CNBD1: variants seen among roughly 807,000 people sequenced by gnomAD.
CNBD1 encodes cyclic nucleotide-binding domain-containing protein 1.
Under a neutral mutation model 54.4 loss-of-function variants are expected in CNBD1, and 71 were observed. The ratio of observed to expected loss-of-function variants is 1.30; its 90% CI spans 1.08 to 1.59. The LOEUF (loss-of-function observed/expected upper bound fraction) is 1.59, where lower values mean the gene tolerates loss of function less well. CNBD1 is among the 40% of genes most tolerant of loss of function. The pLI, the probability that CNBD1 is intolerant of heterozygous loss-of-function variation, is 0.00. For synonymous variants in CNBD1, 182 were observed against 170.7 expected (o/e 1.07, Z -0.51); for missense variants, 659 against 518.0 (o/e 1.27, Z -2.64).
intron 5 of CNBD1, among the ~76,000 whole-genome samples, chr8:87,218,176 CAT>C (rs1814253659): frequency 6.6e-6 from 1 of 152,076 alleles, no homozygotes; most frequent in Non-Finnish European, 1.5e-5. Context: ...CTAACACACA[CAT>C]GCTCTTGATC....
intron 2 of CNBD1, among the ~76,000 whole-genome samples, chr8:86,897,964 A>C (rs1808873294): frequency 6.6e-6 from 1 of 152,170 alleles, no homozygotes; most frequent in Non-Finnish European, 1.5e-5. Flanking sequence ...AAACAACTTT[A>C]GTGTTCATCA....
At chr8:86,897,710 A>G (rs907491769) in intron 2 of CNBD1, among the ~76,000 whole-genome samples, 1 of 152,204 alleles carries the variant, frequency 6.6e-6, no homozygotes, top group South Asian at 2.1e-4. Context: ...TGCGCCTTCT[A>G]TTGGCAAAAT....
chr8:87,285,205 T>C (rs1808669484), intron 7 of CNBD1, among the ~76,000 whole-genome samples: 2 of 152,094 alleles, frequency 1.3e-5, no homozygotes, highest in South Asian at 2.1e-4. Flanking sequence ...GTCTCTGTAG[T>C]CTACTTTAAA....
At chr8:87,276,147 C>T (rs1808476168) in intron 6 of CNBD1, among the ~76,000 whole-genome samples, 1 of 151,850 alleles carries the variant, frequency 6.6e-6, no homozygotes, top group Admixed American at 6.6e-5. Context: ...ATTGGAGAGT[C>T]TTTGTTACTA....
chr8:87,300,717 T>A lies in CNBD1; in HGVS notation c.1042+14046T>A, dbSNP rs10094359. 5.4e-3 allele frequency among the ~76,000 whole-genome samples: 816 copies of A among 151,976 alleles called. 6 individuals are homozygous for A. Among genetic ancestry groups the A allele is most frequent in the African/African-American group, 0.019 (773 of 41,468 alleles). The stretch of plus-strand genomic sequence containing the variant: ...TATGTGTGTGATACACACACACATA[T>A]ACACACACATTCTATTTCCAATGTT... On this transcript the variant is annotated intron_variant, in intron 8 of 10. Coordinates refer to ENST00000518476, the MANE Select transcript of CNBD1 (RefSeq NM_173538.3).
intron 4 of CNBD1, among the ~76,000 whole-genome samples, chr8:87,125,487 T>C (rs1586273444): frequency 6.6e-6 from 1 of 151,796 alleles, no homozygotes; most frequent in East Asian, 1.9e-4. Context: ...GCATTTATAG[T>C]CAAAATATTT....
At chr8:87,425,608 G>A (rs1238612894) in intron 2 of CNBD1, among the ~76,000 whole-genome samples, 5 of 152,050 alleles carry the variant, frequency 3.3e-5, no homozygotes, top group Non-Finnish European at 7.4e-5. Flanking sequence ...CCTGCTGGAG[G>A]GTGCCTCCCA....
intron 6 of CNBD1, among the ~76,000 whole-genome samples, chr8:87,264,495 A>G (rs372276069): frequency 6.6e-6 from 1 of 152,118 alleles, no homozygotes; most frequent in Non-Finnish European, 1.5e-5. Context: ...ATGATTTATA[A>G]TCCTTTGGGT....
chr8:87,172,698 C>A (rs1813115124), intron 4 of CNBD1, among the ~76,000 whole-genome samples: 1 of 151,854 alleles, frequency 6.6e-6, no homozygotes, highest in Non-Finnish European at 1.5e-5. Context: ...TACTCCTGTT[C>A]TTTTTTTCAT....
rs564990579 is a variant in CNBD1 at position 86,938,246 on chromosome 8, A to G, written c.273-1350A>G. Among the ~76,000 whole-genome samples the G allele has an allele frequency of 1.4e-3, 217 of 152,214 alleles. 2 individuals carry two copies. The highest frequency in any genetic ancestry group is 5.1e-3 in the African/African-American group (213 of 41,548). On this transcript the variant is annotated intron_variant, in intron 3 of 10. Transcript: ENST00000518476. ...CAGCCTAGACTTTTTTGCCCATATCACTATCAGCATTTTGCTCAAAGCCAT... is the reference window on the plus strand; with the variant it reads ...CAGCCTAGACTTTTTTGCCCATATCGCTATCAGCATTTTGCTCAAAGCCAT...
At position 87,163,981 on chromosome 8, in the gene CNBD1, T is replaced by C. The variant is rs542485290; in HGVS notation, c.432-42012T>C. ...TGAGATACTTTCCTCCTGTACCTAA[T>C]TTGTTGAGAATTTCTATTTTTGAAA... On this transcript the variant is annotated intron_variant, in intron 4 of 10. Coordinates refer to ENST00000518476, the MANE Select transcript of CNBD1 (RefSeq NM_173538.3). The surrounding 1 kb of genome is among the most constrained non-coding windows in gnomAD (Gnocchi z 4.5). Among the ~76,000 whole-genome samples, 44 of 152,062 alleles carry C rather than the reference T, an allele frequency of 2.9e-4. No homozygotes were observed. The highest frequency in any genetic ancestry group is 2.9e-3 in the Admixed American group (44 of 15,242).
Position 87,414,526 on chromosome 8 carries a change from A to G in CNBD1, c.214-14020A>G, listed in dbSNP as rs148906890. Among the ~76,000 whole-genome samples the G allele has an allele frequency of 3.0e-3, 459 of 152,220 alleles. 5 individuals carry two copies. Among genetic ancestry groups the G allele is most frequent in the African/African-American group, 9.9e-3 (411 of 41,548 alleles). ...ACCCTAAAACTTAAAGTATAATAAT[A>G]AATAAAAAAAGAAATTAATATGTAC... On this transcript the variant is annotated intron_variant, in intron 2 of 7. Transcript: ENST00000521593.
chr8:87,396,100 T>C (rs763475017), intron 2 of CNBD1, among the ~76,000 whole-genome samples: 15 of 151,908 alleles, frequency 9.9e-5, no homozygotes, highest in Non-Finnish European at 1.3e-4. Context: ...ATACAACAGA[T>C]AAAGATACCA....
intron 4 of CNBD1, among the ~76,000 whole-genome samples, chr8:86,995,895 A>G (rs1808860059): frequency 1.3e-5 from 2 of 152,312 alleles, no homozygotes; most frequent in South Asian, 4.1e-4. Context: ...ATGAATTGGA[A>G]TTGGACAACA....
intron 5 of CNBD1, among the ~76,000 whole-genome samples, chr8:87,225,375 T>C (rs1389298835): frequency 2.6e-5 from 4 of 152,200 alleles, no homozygotes; most frequent in African/African-American, 9.6e-5. Context: ...ATATTGGCTG[T>C]GGGTTTGTCA....
chr8:87,149,052 T>C (rs1162528397), intron 4 of CNBD1, among the ~76,000 whole-genome samples: 1 of 152,212 alleles, frequency 6.6e-6, no homozygotes, highest in Non-Finnish European at 1.5e-5. Flanking sequence ...CAGATTCTCT[T>C]ACATGCTTTG....
chr8:87,336,801 T>C (rs1809952695), intron 8 of CNBD1, among the ~76,000 whole-genome samples: 1 of 152,200 alleles, frequency 6.6e-6, no homozygotes, highest in South Asian at 2.1e-4. Flanking sequence ...TTCAGTGTTT[T>C]TTCATTGATT....
rs536366806 is a variant in CNBD1 at position 86,938,010 on chromosome 8, T to C, written c.273-1586T>C. ...CCATATCTTTGTGAATACATAAAGC[T>C]GAATGCATTTAATAGCACCCAAATC... is the stretch of plus-strand genomic sequence containing the variant. On this transcript the variant is annotated intron_variant, in intron 3 of 10. Transcript: ENST00000518476. Among the ~76,000 whole-genome samples the C allele has an allele frequency of 2.8e-3, 425 of 152,088 alleles. 7 individuals are homozygous for C. The highest frequency in any genetic ancestry group is 9.8e-3 in the African/African-American group (405 of 41,524).
intron 4 of CNBD1, among the ~76,000 whole-genome samples, chr8:87,137,599 A>G (rs1263209102): frequency 6.6e-6 from 1 of 152,174 alleles, no homozygotes; most frequent in Non-Finnish European, 1.5e-5. Flanking sequence ...ACCTGGCCAA[A>G]ACCAAGGAGT....
Sources: allele counts gnomAD v4.1 joint callset (sites outside exome capture counted in the v4.1 genomes callset), GRCh38; gene constraint gnomAD v4.1.1; non-coding constraint Gnocchi (gnomAD v3.1); transcripts MANE v1.5; gene names NCBI Gene and HGNC (gene_info 2026-07-23, HGNC 2026-07-21).